VPS8: variants seen among roughly 807,000 people sequenced by gnomAD.
The protein encoded by VPS8 is VPS8 subunit of CORVET complex, also known as vacuolar protein sorting-associated protein 8 homolog.
VPS8 carries 129 observed loss-of-function variants against 216.4 expected under a neutral mutation model. The observed-to-expected ratio is 0.60, with a 90% confidence interval of 0.52 to 0.69. The LOEUF is 0.69. Ranked by LOEUF, VPS8 falls within the 30% of genes least tolerant of loss-of-function variation. The probability of loss-of-function intolerance (pLI) is 0.00; values close to 1 mark genes in which losing one functional copy is unlikely to be tolerated. For synonymous variants in VPS8, 571 were observed against 565.4 expected (o/e 1.01, Z -0.14); for missense variants, 1,531 against 1,683.5 (o/e 0.91, Z 1.59).
chr3:184,855,723 A>G lies in VPS8; in HGVS notation c.1048A>G (p.Ser350Gly). Reference sequence around the variant, plus strand: ...TCTCCCTACTTAGATGGATCCTTCCAGTGTGCCACTGCTGGCCTGGCACTT... The same window carrying G: ...TCTCCCTACTTAGATGGATCCTTCCGGTGTGCCACTGCTGGCCTGGCACTT... ...TFPYGRMDPS[S>G]VPLLAWHFVA... Residue 350 changes from serine to glycine, a missense_variant, in exon 14 of 48, where the codon AGT (serine) becomes GGT (glycine). Ser to Gly is a moderately conservative substitution (Grantham distance 56, BLOSUM62 0). Around this residue, in one of 3 missense-constraint regions of VPS8, gnomAD observed 1,318 missense variants for 1,468.4 expected, o/e 0.90. Transcript: ENST00000625842. 6.2e-7 allele frequency: 1 copy of G among 1,612,834 alleles called. No homozygotes were observed. The highest frequency in any genetic ancestry group is 8.5e-7 in the Non-Finnish European group (1 of 1,179,538).
chr3:184,957,280 T>G (rs1745763898), intron 36 of VPS8, 94 bp from the exon 37 acceptor site: 1 of 1,299,930 alleles, frequency 7.7e-7, no homozygotes, highest in African/African-American at 1.5e-5. Flanking sequence ...AGTCCTAGTT[T>G]TAATGTAATG....
chr3:184,817,989 G>T (rs2108471866), intron 1 of VPS8, among the ~76,000 whole-genome samples: 1 of 152,254 alleles, frequency 6.6e-6, no homozygotes, highest in Non-Finnish European at 1.5e-5. Flanking sequence ...GGCAGATCCA[G>T]TTTGAACGGT....
At position 185,052,144 on chromosome 3, in the gene VPS8, A is replaced by G; in HGVS notation, c.*119A>G. On this transcript the variant is annotated 3_prime_UTR_variant, in exon 48 of 48. Coordinates refer to ENST00000625842, the MANE Select transcript of VPS8 (RefSeq NM_001009921.3). ...CCCACGCTTCTGAGAAGAGGTTCCA[A>G]ATTGGGCTTCTGTGCCCAGAGCGTC... 1 of 1,232,660 alleles carries G rather than the reference A, an allele frequency of 8.1e-7. No homozygotes were observed. Among genetic ancestry groups the G allele is most frequent in the Non-Finnish European group, 1.1e-6 (1 of 918,802 alleles). The allele number at this position is 1,232,660 out of a possible 1,614,324, so 76.4% of individuals were successfully genotyped here.
chr3:184,879,868 C>T (rs754066291), intron 21 of VPS8, among the ~76,000 whole-genome samples: 4 of 152,088 alleles, frequency 2.6e-5, no homozygotes, highest in Non-Finnish European at 4.4e-5. Flanking sequence ...TATAGTTTGT[C>T]TCTCTGTAAT....
chr3:184,922,574 A>G (rs1738823280), intron 29 of VPS8: 1 of 327,872 alleles, frequency 3.0e-6, no homozygotes, highest in East Asian at 8.7e-5. Flanking sequence ...GTATTTGACT[A>G]TTTCTGTTGG....
At position 184,868,967 on chromosome 3, in the gene VPS8, C is replaced by G; in HGVS notation, c.1528C>G (p.Gln510Glu). 1.2e-6 allele frequency: 2 copies of G among 1,610,008 alleles called. No homozygotes were observed. The highest frequency in any genetic ancestry group is 1.7e-6 in the Non-Finnish European group (2 of 1,178,252). ...TTAGAGAGTGGATCATCTCCTGAAA[C>G]AAGATTGTCTTACAGAAGCGTTGGC... is the stretch of plus-strand genomic sequence containing the variant. ...WRERVDHLLK[Q>E]DCLTEALALA... Residue 510 changes from glutamine to glutamate, a missense_variant, in exon 19 of 48, where the codon CAA (glutamine) becomes GAA (glutamate). By Grantham distance (29) the Gln-to-Glu change is conservative. Transcript: ENST00000625842.
chr3:184,925,836 C>T (rs1454318061), intron 30 of VPS8, among the ~76,000 whole-genome samples: 2 of 148,188 alleles, frequency 1.3e-5, no homozygotes, highest in Non-Finnish European at 1.5e-5. Flanking sequence ...TGCAGCAGCA[C>T]GATCTTGGCT....
In VPS8 at chr3:184,852,863, T is replaced by G. The variant is rs569176128; in HGVS notation, c.821+296T>G. On this transcript the variant is annotated intron_variant, in intron 11 of 47. Coordinates refer to ENST00000625842, the MANE Select transcript of VPS8 (RefSeq NM_001009921.3). ...CTGGAATAGCTCACTAATTTTGGTT[T>G]AGGCTCAAGGCCCAGTTGATTTTAA... Among the ~76,000 whole-genome samples, 7 of 152,276 alleles carry G rather than the reference T, an allele frequency of 4.6e-5. No individual in the cohort carries two copies. The South Asian group carries it at 1.5e-3, about 32-fold the overall frequency.
rs139465947 is a variant in VPS8 at position 184,987,306 on chromosome 3, G to A, written c.3585+4212G>A. Among the ~76,000 whole-genome samples, 949 of 152,134 alleles carry A rather than the reference G, an allele frequency of 6.2e-3. 5 individuals are homozygous for A. Among genetic ancestry groups the A allele is most frequent in the South Asian group, 0.023 (113 of 4,820 alleles). On this transcript the variant is annotated intron_variant, in intron 42 of 47. Transcript: ENST00000625842. Reference sequence around the variant, plus strand: ...TTTTTGTATTTTTAATAGAGATGGGGTCTTGCCATGTTGACCAGGCTGGTC... The same window carrying A: ...TTTTTGTATTTTTAATAGAGATGGGATCTTGCCATGTTGACCAGGCTGGTC...
At chr3:184,935,295 G>A (rs1741403583) in intron 34 of VPS8, among the ~76,000 whole-genome samples, 1 of 152,084 alleles carries the variant, frequency 6.6e-6, no homozygotes, top group Non-Finnish European at 1.5e-5. Flanking sequence ...TTTTTGAATG[G>A]CTACAGATCA....
intron 21 of VPS8, among the ~76,000 whole-genome samples, chr3:184,882,799 T>C (rs1348176277): frequency 1.3e-5 from 2 of 152,134 alleles, no homozygotes; most frequent in African/African-American, 4.8e-5. Context: ...GTTGTGTTTT[T>C]TGAGAAATTG....
At chr3:185,044,254 C>T (rs1019331181) in intron 46 of VPS8, among the ~76,000 whole-genome samples, 3 of 152,100 alleles carry the variant, frequency 2.0e-5, no homozygotes, top group Non-Finnish European at 2.9e-5. Flanking sequence ...GAATGGCAGA[C>T]GAAAGGCATC....
At chr3:184,823,982 C>A (rs1718165262) in intron 1 of VPS8, among the ~76,000 whole-genome samples, 1 of 152,132 alleles carries the variant, frequency 6.6e-6, no homozygotes, top group Non-Finnish European at 1.5e-5. Context: ...GTTATTTTAT[C>A]TTGGGGTCAT....
chr3:184,976,898 A>G (rs571020385), intron 40 of VPS8, among the ~76,000 whole-genome samples: 8 of 152,196 alleles, frequency 5.3e-5, no homozygotes, highest in African/African-American at 1.9e-4. Flanking sequence ...TGTCTTTGCT[A>G]TTGTGATAGT....
intron 33 of VPS8, among the ~76,000 whole-genome samples, chr3:184,930,049 T>C (rs151174470): frequency 7.6e-4 from 116 of 152,220 alleles, no homozygotes; most frequent in African/African-American, 2.7e-3. Context: ...TAACTGTATA[T>C]GCAAGAGACC....
At chr3:184,852,787 C>G (rs1198774619) in intron 11 of VPS8, among the ~76,000 whole-genome samples, 2 of 152,138 alleles carry the variant, frequency 1.3e-5, no homozygotes, top group African/African-American at 2.4e-5. Context: ...AGATTCTAGA[C>G]TCCTACTCCC....
chr3:184,931,897 A>G (rs1431744940), intron 34 of VPS8, among the ~76,000 whole-genome samples: 1 of 152,156 alleles, frequency 6.6e-6, no homozygotes, highest in African/African-American at 2.4e-5. Context: ...GTTTGAGCAC[A>G]TGGATTCCAG....
intron 21 of VPS8, among the ~76,000 whole-genome samples, chr3:184,881,233 T>C (rs1730214542): frequency 6.6e-6 from 1 of 152,196 alleles, no homozygotes; most frequent in South Asian, 2.1e-4. Context: ...CCTAAGATCC[T>C]GAAGATTTTC....
intron 40 of VPS8, among the ~76,000 whole-genome samples, chr3:184,974,244 G>A (rs1660057504): frequency 1.3e-5 from 2 of 152,064 alleles, no homozygotes; most frequent in African/African-American, 4.8e-5. Flanking sequence ...GCTGTTCTAA[G>A]AAGTGTGATG....
Sources: gnomAD v4.1 joint callset for allele counts (sites outside exome capture counted in the v4.1 genomes callset) on GRCh38, gnomAD v4.1.1 for gene constraint, gnomAD v4.1.1 regional missense constraint, MANE v1.5 for transcripts, NCBI Gene and HGNC (gene_info 2026-07-23, HGNC 2026-07-21) for gene names.